Variants in SLC25A42 observed in about 807,000 individuals in gnomAD.
SLC25A42 encodes the protein mitochondrial coenzyme A transporter SLC25A42.
Under a neutral mutation model 34.7 loss-of-function variants are expected in SLC25A42, and 19 were observed. The ratio of observed to expected loss-of-function variants is 0.55; its 90% CI spans 0.38 to 0.80. The LOEUF (loss-of-function observed/expected upper bound fraction) is 0.80, where lower values mean the gene tolerates loss of function less well. Among genes scored for constraint, SLC25A42 ranks in the 30% least tolerant of loss-of-function variants. SLC25A42 has a pLI of 0.00. For synonymous variants in SLC25A42, 205 were observed against 191.2 expected (o/e 1.07, Z -0.59); for missense variants, 364 against 441.3 (o/e 0.82, Z 1.57).
intron 6 of SLC25A42, 51 bp downstream of exon 6, chr19:19,106,436 G>C (rs755065328): frequency 2.0e-6 from 3 of 1,470,546 alleles, no homozygotes; most frequent in East Asian, 4.8e-5. Context: ...TCTGTGTCTC[G>C]GGGGCTCCCA....
intron 1 of SLC25A42, 142 bp from the exon 2 acceptor site, chr19:19,095,949 C>T: frequency 1.4e-6 from 1 of 706,768 alleles, no homozygotes. Context: ...AAGCAGTACA[C>T]ACAGGACCGT....
intron 1 of SLC25A42, among the ~76,000 whole-genome samples, chr19:19,090,791 A>T (rs1040055800): frequency 1.3e-5 from 2 of 152,028 alleles, no homozygotes; most frequent in Non-Finnish European, 2.9e-5. Context: ...CAGGGGAGGC[A>T]CCTCCCACCT....
chr19:19,072,170 C>T (rs2059634055), intron 1 of SLC25A42, among the ~76,000 whole-genome samples: 1 of 152,132 alleles, frequency 6.6e-6, no homozygotes, highest in Admixed American at 6.6e-5. Flanking sequence ...ACATTTCAAT[C>T]ATGGATCATG....
Position 19,099,414 on chromosome 19 carries a change from A to C in SLC25A42, c.82-2367A>C, listed in dbSNP as rs181056402. Among the ~76,000 whole-genome samples the C allele has an allele frequency of 2.8e-3, 420 of 152,276 alleles. 2 individuals carry two copies. The highest frequency in any genetic ancestry group is 9.6e-3 in the African/African-American group (398 of 41,562). On this transcript the variant is annotated intron_variant, in intron 2 of 7. Transcript: ENST00000318596. ...GTGCAAGGCTGCTGGGTAGCCCAGGACATGTGGGAGAGGGTCTGAGAGCTG... is the reference window on the plus strand; with the variant it reads ...GTGCAAGGCTGCTGGGTAGCCCAGGCCATGTGGGAGAGGGTCTGAGAGCTG...
At chr19:19,079,147 C>G (rs1374000521) in intron 1 of SLC25A42, among the ~76,000 whole-genome samples, 1 of 151,976 alleles carries the variant, frequency 6.6e-6, no homozygotes, top group Non-Finnish European at 1.5e-5. Context: ...CCTCCACCTC[C>G]CTGGTTCAAG....
intron 1 of SLC25A42, among the ~76,000 whole-genome samples, chr19:19,084,619 C>G (rs2059698136): frequency 6.6e-6 from 1 of 152,192 alleles, no homozygotes; most frequent in Non-Finnish European, 1.5e-5. Context: ...TAACCCATCC[C>G]CATCCCATCA....
chr19:19,104,867 T>C (rs367583958), intron 3 of SLC25A42, 46 bp from the exon 4 acceptor site: 7 of 1,612,930 alleles, frequency 4.3e-6, no homozygotes, highest in African/African-American at 2.7e-5. Context: ...GATGGGAGGT[T>C]CTGTCCTTTG....
chr19:19,066,207 A>T (rs1599659924), intron 1 of SLC25A42, among the ~76,000 whole-genome samples: 1 of 152,178 alleles, frequency 6.6e-6, no homozygotes, highest in Non-Finnish European at 1.5e-5. Flanking sequence ...GTCACATAGT[A>T]GAAATCAGTC....
intron 4 of SLC25A42, 108 bp downstream of exon 4, chr19:19,105,046 ACTAC>A (rs1252875290): frequency 3.9e-6 from 5 of 1,297,136 alleles, no homozygotes; most frequent in Non-Finnish European, 5.5e-6. Flanking sequence ...TGGGGACAGG[ACTAC>A]CTGTCTTCCC....
chr19:19,104,188 C>T (rs1290868536), intron 3 of SLC25A42, among the ~76,000 whole-genome samples: 1 of 152,198 alleles, frequency 6.6e-6, no homozygotes, highest in Admixed American at 6.5e-5. Context: ...GCTGGGATTA[C>T]AGGTTTGAGC....
In SLC25A42 at chr19:19,081,503, C is replaced by T. The variant is rs1031338172; in HGVS notation, c.-34-14588C>T. On this transcript the variant is annotated intron_variant, in intron 1 of 7. Coordinates refer to ENST00000318596, the MANE Select transcript of SLC25A42 (RefSeq NM_178526.5). The surrounding 1 kb of genome is among the most constrained non-coding windows in gnomAD (Gnocchi z 4.5). ...ACCACTAGTTCTGACAACCTCTTCT[C>T]GCTTGGGAAGCCGAGGTGGGGGCTG... Among the ~76,000 whole-genome samples, 5 of 152,324 alleles carry T rather than the reference C, an allele frequency of 3.3e-5. 1 individual carries two copies. The South Asian group carries it at 6.2e-4, about 19-fold the overall frequency.
intron 2 of SLC25A42, among the ~76,000 whole-genome samples, chr19:19,097,637 C>T (rs2145917375): frequency 6.6e-6 from 1 of 152,338 alleles, no homozygotes; most frequent in Non-Finnish European, 1.5e-5. Flanking sequence ...GTGGGAGGGA[C>T]TCACTCTGCA....
At chr19:19,101,751 T>A in intron 2 of SLC25A42, 30 bp from the exon 3 acceptor site, 1 of 1,596,148 alleles carries the variant, frequency 6.3e-7, no homozygotes, top group Non-Finnish European at 8.6e-7. Flanking sequence ...CCCCCTGCCC[T>A]CTGACCTCTG....
chr19:19,101,951 C>A, intron 3 of SLC25A42, 65 bp downstream of exon 3: 1 of 997,804 alleles, frequency 1.0e-6, no homozygotes. Flanking sequence ...CTTCATGGCC[C>A]CCAAACCACG....
intron 1 of SLC25A42, among the ~76,000 whole-genome samples, chr19:19,076,678 GAGATAT>G (rs1386107357): frequency 1.3e-5 from 2 of 152,128 alleles, no homozygotes; most frequent in African/African-American, 4.8e-5. Flanking sequence ...ATTTTAAATT[GAGATAT>G]AGCTTACATA....
At chr19:19,073,603 C>A (rs1232555250) in intron 1 of SLC25A42, among the ~76,000 whole-genome samples, 1 of 147,760 alleles carries the variant, frequency 6.8e-6, no homozygotes, top group Non-Finnish European at 1.5e-5. Flanking sequence ...GAGTTGAAGT[C>A]TTTCACCATC....
chr19:19,077,947 G>A (rs1430723533), intron 1 of SLC25A42, among the ~76,000 whole-genome samples: 1 of 152,198 alleles, frequency 6.6e-6, no homozygotes, highest in African/African-American at 2.4e-5. Context: ...CTTCACTGGT[G>A]TGTCTGTGAG....
chr19:19,070,812 A>T (rs1050679341), intron 1 of SLC25A42, among the ~76,000 whole-genome samples: 1 of 152,120 alleles, frequency 6.6e-6, no homozygotes, highest in Non-Finnish European at 1.5e-5. Context: ...ATTAAGGGAA[A>T]TGCTTGTTCA....
chr19:19,101,103 GACAC>G (rs2059793995), intron 2 of SLC25A42, among the ~76,000 whole-genome samples: 1 of 152,128 alleles, frequency 6.6e-6, no homozygotes, highest in African/African-American at 2.4e-5. Context: ...ACAGGGCTCG[GACAC>G]ACTGCTGTGC....
Sources: gnomAD v4.1 joint callset for allele counts (sites outside exome capture counted in the v4.1 genomes callset) on GRCh38, gnomAD v4.1.1 for gene constraint, Gnocchi (gnomAD v3.1) non-coding constraint, MANE v1.5 for transcripts, NCBI Gene and HGNC (gene_info 2026-07-23, HGNC 2026-07-21) for gene names.